CLCNKB: variants seen among roughly 807,000 people sequenced by gnomAD.
The protein encoded by CLCNKB is chloride channel protein ClC-Kb.
In CLCNKB, 74 loss-of-function variants were observed where a neutral mutation model predicts 83.8. The ratio of observed to expected loss-of-function variants is 0.88; its 90% CI spans 0.73 to 1.07. The LOEUF (loss-of-function observed/expected upper bound fraction) is 1.07, where lower values mean the gene tolerates loss of function less well. CLCNKB is among the 50% of genes least tolerant of loss of function. The pLI, the probability that CLCNKB is intolerant of heterozygous loss-of-function variation, is 0.00. For synonymous variants in CLCNKB, 358 were observed against 356.6 expected (o/e 1.00, Z -0.04); for missense variants, 798 against 893.6 (o/e 0.89, Z 1.36).
chr1:16,049,719 G>T lies in CLCNKB; in HGVS notation c.866+17G>T. The T allele has an allele frequency of 6.3e-7, 1 of 1,593,550 alleles. No individual in the cohort carries two copies. The highest frequency in any genetic ancestry group is 8.6e-7 in the Non-Finnish European group (1 of 1,161,428). On this transcript the variant is annotated intron_variant, in intron 9 of 19. Transcript: ENST00000375679. The stretch of plus-strand genomic sequence containing the variant: ...GGCGCTGGGGTGAGTGGGTGCCTTG[G>T]GCCCCTGAGAGTCCAAAAGGCATTC...
chr1:16,054,765 G>C (rs1382065775), intron 16 of CLCNKB, among the ~76,000 whole-genome samples: 1 of 152,058 alleles, frequency 6.6e-6, no homozygotes, highest in Non-Finnish European at 1.5e-5. Flanking sequence ...TTTACCCTCA[G>C]AGCCACAGCA....
chr1:16,045,247 G>A (rs2023065172), intron 2 of CLCNKB, among the ~76,000 whole-genome samples: 1 of 152,150 alleles, frequency 6.6e-6, no homozygotes, highest in African/African-American at 2.4e-5. Flanking sequence ...AGCTGTAGCT[G>A]CCAGCCCCCT....
rs201204502 is a variant in CLCNKB at position 16,049,917 on chromosome 1, G to A, written c.968+1G>A. On this transcript the variant is annotated splice_donor_variant, in intron 10 of 19. Coordinates refer to ENST00000375679, the MANE Select transcript of CLCNKB (RefSeq NM_000085.5). LOFTEE classifies it high-confidence loss of function. The stretch of plus-strand genomic sequence containing the variant: ...TCAGCTCCAAACTGCTGGCCACCAG[G>A]TAGGCTCCGGGCTAAGGGCTGGGGA... 112 of 1,588,386 alleles carry A rather than the reference G, an allele frequency of 7.1e-5. No individual in the cohort carries two copies. The highest frequency in any genetic ancestry group is 9.3e-5 in the Non-Finnish European group (109 of 1,166,362).
rs552199269 is a variant in CLCNKB, at chr1:16,046,779, G to T, written c.358+116G>T. ...ACAAAGGCCCAGGAAGAGTCATGTG[G>T]CTTGCCCAAAGGGACACAGCAAGAA... On this transcript the variant is annotated intron_variant, in intron 4 of 19. Transcript: ENST00000375679. The T allele has an allele frequency of 1.3e-5, 18 of 1,402,062 alleles. No individual in the cohort carries two copies. In the South Asian group the frequency reaches 2.0e-4, roughly 16 times the overall value. 86.9% of individuals were successfully genotyped at this position (1,402,062 alleles called of 1,614,324 possible). A position where few individuals can be genotyped will look rare whatever the true frequency, so the allele number is the denominator to read the frequency against.
intron 8 of CLCNKB, 146 bp downstream of exon 8, chr1:16,049,391 G>A (rs2124095439): frequency 1.3e-6 from 2 of 1,520,794 alleles, no homozygotes; most frequent in East Asian, 4.8e-5. Context: ...CCTTCTGGGA[G>A]GATGGAGGGG....
At position 16,049,210 on chromosome 1, in the gene CLCNKB, T is replaced by A. The variant is rs1326837739; in HGVS notation, c.746T>A (p.Met249Lys). Residue 249 changes from methionine (M) to lysine (K), a missense_variant, in exon 8 of 20, where the codon ATG (methionine) becomes AAG (lysine). By Grantham distance (95) the Met-to-Lys change is moderately conservative. Transcript: ENST00000375679. Reference sequence around the variant, plus strand: ...TTTGCGGCCACCTGCGGGGCCTTCATGTTCCGGCTCCTGGCGGTCTTCAAC... The same window carrying A: ...TTTGCGGCCACCTGCGGGGCCTTCAAGTTCCGGCTCCTGGCGGTCTTCAAC... ...GFFAATCGAF[M>K]FRLLAVFNSE... is the part of the protein sequence containing the mutation. The A allele has an allele frequency of 1.2e-6, 2 of 1,613,830 alleles. No homozygotes were observed. The highest frequency in any genetic ancestry group is 1.7e-6 in the Non-Finnish European group (2 of 1,179,986).
At chr1:16,045,785 G>C (rs111596009) in intron 3 of CLCNKB, 99 bp downstream of exon 3, 9 of 1,188,440 alleles carry the variant, frequency 7.6e-6, no homozygotes, top group South Asian at 2.6e-5. Flanking sequence ...AGGTTGGGGG[G>C]GGTGCTCTGG....
chr1:16,048,737 G>A, intron 7 of CLCNKB, 155 bp downstream of exon 7: 55 of 1,469,774 alleles, frequency 3.7e-5, no homozygotes, highest in Non-Finnish European at 4.9e-5. Context: ...GCCCCCCACC[G>A]GGGGGAGGGG....
Position 16,044,501 on chromosome 1 carries a change from G to T in CLCNKB, c.9G>T (p.Glu3Asp), listed in dbSNP as rs768510442. 175 of 1,602,798 alleles carry T rather than the reference G, an allele frequency of 1.1e-4. No homozygotes were observed. The highest frequency in any genetic ancestry group is 1.4e-4 in the Non-Finnish European group (169 of 1,175,674). The change falls in exon 2 of 20, where the codon GAG (glutamate) becomes GAT (aspartate). Residue 3 changes from glutamate to aspartate, a missense_variant. Glu to Asp is a conservative substitution (Grantham distance 45). Transcript: ENST00000375679. Reference sequence around the variant, plus strand: ...GCTTCTCCAGGGGCCTGATGGAGGAGTTTGTGGGGCTGCGTGAAGGCTCCT... The same window carrying T: ...GCTTCTCCAGGGGCCTGATGGAGGATTTTGTGGGGCTGCGTGAAGGCTCCT... ME[E>D]FVGLREGSSG...
Position 16,044,543 on chromosome 1 carries a change from T to G in CLCNKB, c.51T>G (p.Thr17=). The G allele has an allele frequency of 6.2e-7, 1 of 1,607,282 alleles. No individual in the cohort carries two copies. Among genetic ancestry groups the G allele is most frequent in the Non-Finnish European group, 8.5e-7 (1 of 1,177,630 alleles). Reference sequence around the variant, plus strand: ...AAGGCTCCTCAGGGAACCCTGTGACTCTGCAGGAGCTGTGGGGCCCCTGTC... The same window carrying G: ...AAGGCTCCTCAGGGAACCCTGTGACGCTGCAGGAGCTGTGGGGCCCCTGTC... The part of the protein sequence containing the change: ...LREGSSGNPV[T]LQELWGPCPR... The change falls in exon 2 of 20, where the codon ACT becomes ACG. Residue 17 remains threonine (T), a synonymous_variant. Coordinates refer to ENST00000375679, the MANE Select transcript of CLCNKB (RefSeq NM_000085.5).
At chr1:16,056,837 C>CCG (rs759113015) in intron 19 of CLCNKB, 32 bp from the exon 20 acceptor site, 1 of 913,274 alleles carries the variant, frequency 1.1e-6, no homozygotes, top group African/African-American at 1.6e-5. Context: ...CTCTACATCC[C>CCG]CCCGCACCTC....
intron 13 of CLCNKB, 35 bp from the exon 14 acceptor site, chr1:16,051,675 A>G (rs2023297980): frequency 6.2e-7 from 1 of 1,606,188 alleles, no homozygotes; most frequent in Non-Finnish European, 8.5e-7. Flanking sequence ...GGGCCGGGTC[A>G]GCCTGGCTCC....
rs1301542332 is a variant in CLCNKB, at chr1:16,045,682, C to A, written c.225C>A (p.Val75=). 5 of 1,613,298 alleles carry A rather than the reference C, an allele frequency of 3.1e-6. No individual in the cohort carries two copies. Among genetic ancestry groups the A allele is most frequent in the Middle Eastern group, 3.3e-4 (2 of 6,056 alleles). Residue 75 remains valine (V), a synonymous_variant, in exon 3 of 20, where the codon GTC becomes GTA. Transcript: ENST00000375679. ...CAMDLAVESV[V]RAHQWLYREI... ...TGGACTTGGCTGTTGAGAGTGTGGT[C>A]CGAGGTAACCCCTCCATGGCAGGTG...
chr1:16,048,379 T>G lies in CLCNKB; in HGVS notation c.535T>G (p.Tyr179Asp), dbSNP rs1055969962. Reference protein sequence around the residue: ...FVHLSVMMAAYLGRVRTTTIG... With the variant: ...FVHLSVMMAADLGRVRTTTIG... ...GCACCTGTCTGTGATGATGGCTGCC[T>G]ACCTGGGCCGTGTGCGCACCACGAC... is the stretch of plus-strand genomic sequence containing the variant. The change falls in exon 6 of 20, where the codon TAC (tyrosine) becomes GAC (aspartate). Residue 179 changes from tyrosine (Y) to aspartate (D), a missense_variant. Tyr to Asp is a radical substitution (Grantham distance 160). Coordinates refer to ENST00000375679, the MANE Select transcript of CLCNKB (RefSeq NM_000085.5). The G allele has an allele frequency of 1.2e-6, 2 of 1,613,868 alleles. No homozygotes were observed. Among genetic ancestry groups the G allele is most frequent in the African/African-American group, 1.3e-5 (1 of 74,824 alleles).
chr1:16,050,822 G>A (rs1413751500), intron 11 of CLCNKB, 53 bp from the exon 12 acceptor site: 2 of 1,608,980 alleles, frequency 1.2e-6, no homozygotes, highest in African/African-American at 1.3e-5. Flanking sequence ...GGGGGAGGCT[G>A]GGGTCTGCCG....
chr1:16,049,301 C>A lies in CLCNKB; in HGVS notation c.781+56C>A, dbSNP rs13306243. The A allele has an allele frequency of 6.3e-4, 1,016 of 1,605,462 alleles. 1 individual carries two copies. In the East Asian group the frequency reaches 9.2e-3, roughly 15 times the overall value. ...CTGCCTGGGGGCCGGGGCGAGGGGGCCCTCCCTTCTCCCCTGTGTACACCC... is the reference window on the plus strand; with the variant it reads ...CTGCCTGGGGGCCGGGGCGAGGGGGACCTCCCTTCTCCCCTGTGTACACCC... On this transcript the variant is annotated intron_variant, in intron 8 of 19. Transcript: ENST00000375679.
chr1:16,056,049 T>G (rs1197624094), intron 18 of CLCNKB, among the ~76,000 whole-genome samples: 1 of 152,200 alleles, frequency 6.6e-6, no homozygotes, highest in African/African-American at 2.4e-5. Flanking sequence ...AAGGCACACG[T>G]GCGCTTCAAT....
chr1:16,048,975 C>T (rs1275513908), intron 7 of CLCNKB, 145 bp from the exon 8 acceptor site: 1 of 1,560,230 alleles, frequency 6.4e-7, no homozygotes, highest in Non-Finnish European at 8.7e-7. Flanking sequence ...AGGGCGCATG[C>T]CCTGCCCTCC....
At chr1:16,048,245 G>C in intron 5 of CLCNKB, 98 bp from the exon 6 acceptor site, 1 of 1,520,454 alleles carries the variant, frequency 6.6e-7, no homozygotes, top group Non-Finnish European at 9.0e-7. Context: ...GGGCTTGGGA[G>C]ATGGAGGAGG....
Sources: allele counts gnomAD v4.1 joint callset (sites outside exome capture counted in the v4.1 genomes callset), GRCh38; gene constraint gnomAD v4.1.1; transcripts MANE v1.5; gene names NCBI Gene and HGNC (gene_info 2026-07-23, HGNC 2026-07-21).